RGS12: variants seen among roughly 807,000 people sequenced by gnomAD.
RGS12 encodes the protein regulator of G protein signaling 12, also known as regulator of G-protein signaling 12.
In RGS12, 66 loss-of-function variants were observed where a neutral mutation model predicts 120.1. The observed-to-expected ratio is 0.55, with a 90% CI of 0.45 to 0.67. The LOEUF is 0.67. RGS12 is among the 30% of genes least tolerant of loss of function. RGS12 has a pLI of 0.00. For missense variants in RGS12, 1,859 were observed against 1,957.7 expected (o/e 0.95, Z 0.95); for synonymous variants, 827 against 804.7 (o/e 1.03, Z -0.47).
At chr4:3,438,514 C>T (rs1365417341) in intron 17 of RGS12, among the ~76,000 whole-genome samples, 1 of 152,124 alleles carries the variant, frequency 6.6e-6, no homozygotes, top group Non-Finnish European at 1.5e-5. Context: ...TGCCATGGAG[C>T]TCCGGGCGGC....
rs538049659 is a variant in RGS12 at position 3,438,131 on chromosome 4, C to T, written c.4115-1324C>T. Among the ~76,000 whole-genome samples, 34 of 152,164 alleles carry T rather than the reference C, an allele frequency of 2.2e-4. 1 individual carries two copies. The highest frequency in any genetic ancestry group is 5.8e-4 in the African/African-American group (24 of 41,506). On this transcript the variant is annotated intron_variant, in intron 17 of 17. Coordinates refer to ENST00000336727, the MANE Select transcript of RGS12 (RefSeq NM_001394154.1). The stretch of plus-strand genomic sequence containing the variant: ...CCCCCTGTCCCTGGTTCTCATGTGC[C>T]GGGGGCTGGCTCTTCCTGCCTCCTG...
At chr4:3,381,476 G>GATTTC (rs1446466627) in intron 3 of RGS12, among the ~76,000 whole-genome samples, 1 of 152,174 alleles carries the variant, frequency 6.6e-6, no homozygotes, top group Non-Finnish European at 1.5e-5. Context: ...TAAAGGAAAT[G>GATTTC]GGTTTAATTG....
At chr4:3,286,009 G>A in the RGS12 span, among the ~76,000 whole-genome samples, 1 of 152,238 alleles carries the variant, frequency 6.6e-6, no homozygotes, top group Non-Finnish European at 1.5e-5. Flanking sequence ...TGCGCTCCAG[G>A]GACCGCTGGG....
At chr4:3,286,801 GT>G in the RGS12 span, among the ~76,000 whole-genome samples, 1 of 152,232 alleles carries the variant, frequency 6.6e-6, no homozygotes, top group East Asian at 1.9e-4. Context: ...CATGTGCAGG[GT>G]TGTGAGAGGG....
intron 10 of RGS12, among the ~76,000 whole-genome samples, chr4:3,420,960 T>C (rs1448061710): frequency 6.6e-6 from 1 of 152,220 alleles, no homozygotes. Flanking sequence ...CGAAAAACTA[T>C]TAGTTATACG....
rs1234318780 is a variant in RGS12 at position 3,425,542 on chromosome 4, G to T, written c.3313G>T (p.Asp1105Tyr). Residue 1105 changes from aspartate to tyrosine, a missense_variant, in exon 14 of 18, where the codon GAT (aspartate) becomes TAT (tyrosine). This residue lies in a region of RGS12 where 517 missense variants were observed against 488.5 expected (regional missense o/e 1.06). Transcript: ENST00000336727. Reference sequence around the variant, plus strand: ...ACAGCGGGTTGTCTTGGAGGAGAAGGATCCTTCCAGAGGAAAGGGTGAGTA... The same window carrying T: ...ACAGCGGGTTGTCTTGGAGGAGAAGTATCCTTCCAGAGGAAAGGGTGAGTA... ...DGQRVVLEEK[D>Y]PSRGKASADK... 2 of 1,610,232 alleles carry T rather than the reference G, an allele frequency of 1.2e-6. No homozygotes were observed. Among genetic ancestry groups the T allele is most frequent in the South Asian group, 1.1e-5 (1 of 90,814 alleles).
intron 1 of RGS12, among the ~76,000 whole-genome samples, chr4:3,310,911 C>T (rs562933559): frequency 6.6e-6 from 1 of 152,316 alleles, no homozygotes; most frequent in African/African-American, 2.4e-5. Context: ...TCAAATCCAC[C>T]TTTGCCGTTA....
intron 3 of RGS12, among the ~76,000 whole-genome samples, chr4:3,357,953 T>C (rs1715044111): frequency 6.6e-6 from 1 of 152,192 alleles, no homozygotes; most frequent in Admixed American, 6.5e-5. Flanking sequence ...AGTATTGACA[T>C]CTTAACTATA....
intron 2 of RGS12, among the ~76,000 whole-genome samples, chr4:3,332,503 G>A (rs1413685152): frequency 3.9e-5 from 6 of 152,194 alleles, no homozygotes; most frequent in African/African-American, 7.2e-5. Context: ...TCTTGTACCT[G>A]TCTCCAGGTA....
chr4:3,336,530 A>G (rs1712484611), intron 2 of RGS12, among the ~76,000 whole-genome samples: 1 of 151,964 alleles, frequency 6.6e-6, no homozygotes, highest in African/African-American at 2.4e-5. Flanking sequence ...TGTACAGTCT[A>G]TTTGTTCAGT....
At chr4:3,363,780 T>G (rs1578830080) in intron 3 of RGS12, among the ~76,000 whole-genome samples, 1 of 150,470 alleles carries the variant, frequency 6.6e-6, no homozygotes, top group African/African-American at 2.5e-5. Context: ...GTCACCAGAG[T>G]GAAGGGAGGC....
intron 4 of RGS12, among the ~76,000 whole-genome samples, chr4:3,405,253 A>G (rs1053851275): frequency 1.3e-5 from 2 of 152,214 alleles, no homozygotes; most frequent in Non-Finnish European, 2.9e-5. Context: ...GGAACCCTAG[A>G]AACGACAGCG....
At chr4:3,293,988 A>G (rs78712719) in intron 1 of RGS12, among the ~76,000 whole-genome samples, 692 of 22,510 alleles carry the variant, frequency 0.031, 1 homozygote, top group African/African-American at 0.094. Flanking sequence ...GTGGAGGGTG[A>G]ACACAGAGGG....
At chr4:3,429,805 C>A (rs533674631) in intron 16 of RGS12, among the ~76,000 whole-genome samples, 16 of 152,350 alleles carry the variant, frequency 1.1e-4, no homozygotes, top group Admixed American at 9.8e-4. Context: ...AGGGAGAGCA[C>A]GTGTTGCCCC....
At chr4:3,395,059 G>A (rs1450931507) in intron 4 of RGS12, among the ~76,000 whole-genome samples, 1 of 152,108 alleles carries the variant, frequency 6.6e-6, no homozygotes, top group Non-Finnish European at 1.5e-5. Flanking sequence ...TGGATGTGGT[G>A]GCGCATGCCT....
At chr4:3,432,248 C>G in intron 17 of RGS12, 1 of 841,866 alleles carries the variant, frequency 1.2e-6, no homozygotes, top group Non-Finnish European at 1.4e-6. Flanking sequence ...GTATTTTAAT[C>G]TAGGGGAAAT....
At chr4:3,348,672 G>A (rs934488601) in intron 3 of RGS12, among the ~76,000 whole-genome samples, 4 of 152,260 alleles carry the variant, frequency 2.6e-5, no homozygotes, top group South Asian at 4.2e-4. Context: ...GTACAGAATC[G>A]AGTTATACAG....
At chr4:3,320,380 G>C (rs1725096581) in intron 2 of RGS12, among the ~76,000 whole-genome samples, 1 of 152,208 alleles carries the variant, frequency 6.6e-6, no homozygotes, top group Admixed American at 6.5e-5. Context: ...CAGAGCAGAA[G>C]GGGAGCTAGC....
chr4:3,321,405 G>T (rs1019522615), intron 2 of RGS12, among the ~76,000 whole-genome samples: 8 of 152,222 alleles, frequency 5.3e-5, no homozygotes, highest in Non-Finnish European at 1.0e-4. Context: ...CTCCATCTGG[G>T]AGGCAGTGCC....
Sources: allele counts gnomAD v4.1 joint callset (sites outside exome capture counted in the v4.1 genomes callset), GRCh38; gene constraint gnomAD v4.1.1; regional missense constraint gnomAD v4.1.1; transcripts MANE v1.5; gene names NCBI Gene and HGNC (gene_info 2026-07-23, HGNC 2026-07-21).